MECOM: variants seen among roughly 807,000 people sequenced by gnomAD.
MECOM encodes MDS1 and EVI1 complex locus, also known as histone-lysine N-methyltransferase MECOM.
Under a neutral mutation model 116.3 loss-of-function variants are expected in MECOM, and 13 were observed. That is an observed-to-expected ratio of 0.11 (90% CI 0.07 to 0.18). The LOEUF is 0.18. MECOM is among the 10% of genes least tolerant of loss of function. MECOM has a pLI of 1.00. For synonymous variants in MECOM, 528 were observed against 535.2 expected (o/e 0.99, Z 0.19); for missense variants, 1,299 against 1,509.0 (o/e 0.86, Z 2.31).
chr3:169,413,984 C>G, intron 1 of MECOM, among the ~76,000 whole-genome samples: 1 of 152,218 alleles, frequency 6.6e-6, no homozygotes, highest in East Asian at 1.9e-4. Context: ...AATGTTCCTG[C>G]CTGCCTGCTC....
At chr3:169,381,606 GTT>G (rs1732402308) in intron 1 of MECOM, 82 bp from the exon 2 acceptor site, 2 of 1,030,688 alleles carry the variant, frequency 1.9e-6, no homozygotes, top group East Asian at 5.2e-5. Flanking sequence ...TTATTATGTT[GTT>G]CTTTGAAGGA....
chr3:169,536,945 A>C (rs2109195165), intron 1 of MECOM, among the ~76,000 whole-genome samples: 1 of 152,248 alleles, frequency 6.6e-6, no homozygotes, highest in East Asian at 1.9e-4. Context: ...ATAGATGGGG[A>C]AACTGCAGCT....
At chr3:169,264,598 C>T (rs955737331) in intron 2 of MECOM, among the ~76,000 whole-genome samples, 2 of 152,096 alleles carry the variant, frequency 1.3e-5, no homozygotes, top group Non-Finnish European at 1.5e-5. Flanking sequence ...CCTTGTTAAT[C>T]AGGTAAGAAA....
intron 1 of MECOM, among the ~76,000 whole-genome samples, chr3:169,496,064 C>T (rs1168085252): frequency 6.6e-6 from 1 of 152,190 alleles, no homozygotes; most frequent in Non-Finnish European, 1.5e-5. Context: ...TCTCTTGGAT[C>T]TGCATTTAGG....
At chr3:169,286,708 T>C (rs1713395644) in intron 2 of MECOM, among the ~76,000 whole-genome samples, 1 of 152,166 alleles carries the variant, frequency 6.6e-6, no homozygotes, top group Admixed American at 6.5e-5. Context: ...TAGGTATTTG[T>C]AGGAGTCAGG....
chr3:169,590,284 A>G (rs1298816602), intron 1 of MECOM, among the ~76,000 whole-genome samples: 1 of 152,248 alleles, frequency 6.6e-6, no homozygotes, highest in Non-Finnish European at 1.5e-5. Context: ...TGAGGTAAAT[A>G]CCAAGATGAA....
intron 2 of MECOM, among the ~76,000 whole-genome samples, chr3:169,275,539 G>T (rs1354160028): frequency 6.6e-6 from 1 of 152,096 alleles, no homozygotes; most frequent in African/African-American, 2.4e-5. Flanking sequence ...TTGTTACCCT[G>T]CTAAATATCT....
At chr3:169,305,495 A>G (rs1208920704) in intron 2 of MECOM, among the ~76,000 whole-genome samples, 1 of 152,216 alleles carries the variant, frequency 6.6e-6, no homozygotes, top group Non-Finnish European at 1.5e-5. Context: ...GTAGCAGAAA[A>G]AAAGAACAAA....
chr3:169,121,186 A>G lies in MECOM; in HGVS notation c.1002T>C (p.Leu334=). The change falls in exon 7 of 17, where the codon CTT becomes CTC. Residue 334 remains leucine, a synonymous_variant. Coordinates refer to ENST00000651503, the MANE Select transcript of MECOM (RefSeq NM_004991.4). ...CATGCTGAGAGCGAATGTGCCGCTG[A>G]AGGTTGCTAGGGTCCGTGAAAACCT... The part of the protein sequence containing the change: ...CAKVFTDPSN[L]QRHIRSQHVG... The G allele has an allele frequency of 1.2e-6, 2 of 1,612,078 alleles. No individual in the cohort carries two copies. The highest frequency in any genetic ancestry group is 1.7e-6 in the Non-Finnish European group (2 of 1,179,102).
chr3:169,416,666 T>C (rs1033366704), intron 1 of MECOM, among the ~76,000 whole-genome samples: 15 of 147,826 alleles, frequency 1.0e-4, no homozygotes, highest in Non-Finnish European at 2.1e-4. Context: ...GAGAGACAAA[T>C]CAAATAGGCA....
rs2149476637 is a variant in MECOM, at chr3:169,212,154, G to C, written c.376-68322C>G. On this transcript the variant is annotated intron_variant, in intron 2 of 16. Coordinates refer to ENST00000651503, the MANE Select transcript of MECOM (RefSeq NM_004991.4). Reference sequence around the variant, plus strand: ...GGTAAGATTGATTAGAATATATCTAGGAACTACCCACATTTTTTCTCTCTC... The same window carrying C: ...GGTAAGATTGATTAGAATATATCTACGAACTACCCACATTTTTTCTCTCTC... Among the ~76,000 whole-genome samples the C allele has an allele frequency of 1.3e-5, 2 of 152,070 alleles. 1 individual carries two copies. The highest frequency in any genetic ancestry group is 4.2e-4 in the South Asian group (2 of 4,812).
chr3:169,426,002 G>A (rs1285370039), intron 1 of MECOM, among the ~76,000 whole-genome samples: 1 of 152,158 alleles, frequency 6.6e-6, no homozygotes, highest in East Asian at 1.9e-4. Context: ...CTCTGAGGGT[G>A]AGCCTGTGTA....
chr3:169,427,033 T>C (rs1054812241), intron 1 of MECOM, among the ~76,000 whole-genome samples: 17 of 152,132 alleles, frequency 1.1e-4, no homozygotes, highest in African/African-American at 4.1e-4. Flanking sequence ...TAGATTACTT[T>C]TTTTCAATAA....
chr3:169,115,313 A>T, intron 8 of MECOM, 70 bp downstream of exon 8: 1 of 1,480,644 alleles, frequency 6.8e-7, no homozygotes, highest in Non-Finnish European at 9.1e-7. Context: ...TTAAAAAGCC[A>T]TCACTTTACA....
At chr3:169,124,747 T>A (rs974273383) in intron 5 of MECOM, among the ~76,000 whole-genome samples, 2 of 152,108 alleles carry the variant, frequency 1.3e-5, no homozygotes, top group African/African-American at 2.4e-5. Context: ...TATGGGATTT[T>A]AAAAATCCTA....
intron 2 of MECOM, among the ~76,000 whole-genome samples, chr3:169,205,293 G>T (rs1749769956): frequency 1.3e-5 from 2 of 152,094 alleles, no homozygotes; most frequent in Non-Finnish European, 1.5e-5. Flanking sequence ...TTAATATACT[G>T]TATTTCTTCC....
At chr3:169,324,072 CT>C (rs1404237144) in intron 2 of MECOM, among the ~76,000 whole-genome samples, 2 of 152,172 alleles carry the variant, frequency 1.3e-5, no homozygotes, top group Non-Finnish European at 2.9e-5. Flanking sequence ...GAATGTGTTC[CT>C]GGGGCTTCCT....
chr3:169,369,112 G>A (rs1332915090), intron 2 of MECOM, among the ~76,000 whole-genome samples: 1 of 151,938 alleles, frequency 6.6e-6, no homozygotes, highest in Admixed American at 6.6e-5. Flanking sequence ...AGTACTAGAG[G>A]TTGCCCAAAC....
chr3:169,483,818 T>C, intron 1 of MECOM: 1 of 1,611,968 alleles, frequency 6.2e-7, no homozygotes, highest in East Asian at 2.2e-5. Context: ...TCAAATACCT[T>C]TTGGAGAAAG....
Sources: allele counts gnomAD v4.1 joint callset (sites outside exome capture counted in the v4.1 genomes callset), GRCh38; gene constraint gnomAD v4.1.1; transcripts MANE v1.5; gene names NCBI Gene and HGNC (gene_info 2026-07-23, HGNC 2026-07-21).